The following KYAT3 variants were observed in gnomAD, a reference collection of about 807,000 sequenced individuals.
KYAT3 encodes the protein kynurenine aminotransferase 3.
In KYAT3, 50 loss-of-function variants were observed where a neutral mutation model predicts 59.0. The ratio of observed to expected loss-of-function variants is 0.85; its 90% CI spans 0.68 to 1.07. The LOEUF (loss-of-function observed/expected upper bound fraction) is 1.07, where lower values mean the gene tolerates loss of function less well. KYAT3 is among the 50% of genes least tolerant of loss of function. The probability of loss-of-function intolerance (pLI) is 0.00; values close to 1 mark genes in which losing one functional copy is unlikely to be tolerated. For missense variants in KYAT3, 497 were observed against 533.3 expected, an observed-to-expected ratio of 0.93 and a Z score of 0.67; for synonymous variants, 148 against 177.0, an observed-to-expected ratio of 0.84 and a Z score of 1.30.
At chr1:88,931,026 C>A (rs1192706350), downstream of KYAT3, among the ~76,000 whole-genome samples, 1 of 152,136 alleles carries the variant, frequency 6.6e-6, no homozygotes, top group Non-Finnish European at 1.5e-5. Flanking sequence ...GAATGGGGAA[C>A]CTCATGAGGA....
At chr1:88,974,992 G>A (rs35594043) in intron 2 of KYAT3, among the ~76,000 whole-genome samples, 43,301 of 152,060 alleles carry the variant, frequency 0.28, 7,514 homozygotes, top group Non-Finnish European at 0.38. Flanking sequence ...GTCCCCTTCC[G>A]TGGTGTGGAA....
chr1:88,939,117 T>A (rs956190379), intron 13 of KYAT3, among the ~76,000 whole-genome samples: 4 of 152,194 alleles, frequency 2.6e-5, no homozygotes, highest in African/African-American at 9.6e-5. Flanking sequence ...ATCTAAGAGA[T>A]AAAATTTCTT....
chr1:88,968,685 C>G lies in KYAT3; in HGVS notation c.288G>C (p.Gln96His). The G allele has an allele frequency of 6.3e-7, 1 of 1,582,696 alleles. No homozygotes were observed. Among genetic ancestry groups the G allele is most frequent in the Non-Finnish European group, 8.5e-7 (1 of 1,171,294 alleles). The change falls in exon 4 of 14, where the codon CAG becomes CAC. Residue 96 changes from glutamine to histidine, a missense_variant. By Grantham distance (24) the Gln-to-His change is conservative (BLOSUM62 0). Transcript: ENST00000260508. ...SKIAAIDSLN[Q>H]YTRGFGHPSL... ...ATATACTTACAAAGCCTCGTGTATA[C>G]TGATTCAGGCTATCGATTGCTGCAA...
intron 10 of KYAT3, among the ~76,000 whole-genome samples, chr1:88,952,392 C>T (rs183440685): frequency 6.6e-6 from 1 of 152,210 alleles, no homozygotes; most frequent in African/African-American, 2.4e-5. Flanking sequence ...GAGGTGGGGC[C>T]TGGTGGGAGG....
downstream of KYAT3, among the ~76,000 whole-genome samples, chr1:88,934,937 C>T (rs1325441215): frequency 6.6e-6 from 1 of 151,446 alleles, no homozygotes; most frequent in Non-Finnish European, 1.5e-5. Context: ...AGGTCATAGA[C>T]CATTTTTTTG....
At position 88,949,241 on chromosome 1, in the gene KYAT3, G is replaced by A. The variant is rs138792473; in HGVS notation, c.991C>T (p.Arg331Cys). ...LAQAFWIDIK[R>C]MDDPECYFNS... The stretch of plus-strand genomic sequence containing the variant: ...AAGTAACATTCTGGGTCATCCATGC[G>A]CTTGATGTCAATCCAGAAAGCTTGA... The change falls in exon 11 of 14, where the codon CGC (arginine) becomes TGC (cysteine). Residue 331 changes from arginine to cysteine, a missense_variant. By Grantham distance (180) the Arg-to-Cys change is radical. This residue lies in a region of KYAT3 where 469 missense variants were observed against 479.1 expected (regional missense o/e 0.98). Coordinates refer to ENST00000260508, the MANE Select transcript of KYAT3 (RefSeq NM_001008661.3). 311 of 1,580,080 alleles carry A rather than the reference G, an allele frequency of 2.0e-4. No individual in the cohort carries two copies. In the African/African-American group the frequency reaches 3.2e-3, roughly 16 times the overall value.
chr1:88,949,210 GAATT>G lies in KYAT3; in HGVS notation c.1018_1021del (p.Asn340LeufsTer6), dbSNP rs1675575205. On this transcript the variant is annotated frameshift_variant, in exon 11 of 14. Transcript: ENST00000260508. LOFTEE classifies it high-confidence loss of function. The stretch of plus-strand genomic sequence containing the variant: ...TTTTACTTCTAACTCTTTTGGCAAA[GAATT>G]AAAGTAACATTCTGGGTCATCCATG... 1 of 1,609,576 alleles carries G rather than the reference GAATT, an allele frequency of 6.2e-7. No homozygotes were observed. The highest frequency in any genetic ancestry group is 8.5e-7 in the Non-Finnish European group (1 of 1,178,432).
intron 2 of KYAT3, among the ~76,000 whole-genome samples, chr1:88,970,049 A>G (rs1183427065): frequency 6.6e-6 from 1 of 152,202 alleles, no homozygotes; most frequent in Non-Finnish European, 1.5e-5. Flanking sequence ...AATCTGTTTT[A>G]AGGCTTGTAA....
intron 5 of KYAT3, among the ~76,000 whole-genome samples, chr1:88,963,342 T>C (rs950738878): frequency 6.6e-6 from 1 of 152,158 alleles, no homozygotes; most frequent in Non-Finnish European, 1.5e-5. Flanking sequence ...AAACTATGTA[T>C]AGGATTAAAG....
the KYAT3 span, among the ~76,000 whole-genome samples, chr1:88,927,238 C>G: frequency 6.6e-6 from 1 of 152,048 alleles, no homozygotes; most frequent in Non-Finnish European, 1.5e-5. Context: ...CAAAAACGCC[C>G]CTAAGATGTA....
the KYAT3 span, chr1:88,923,450 AG>A: frequency 6.3e-6 from 1 of 157,618 alleles, no homozygotes; most frequent in South Asian, 1.9e-4. Context: ...ACCTGCCATA[AG>A]CCTGTATGTG....
intron 2 of KYAT3, chr1:88,979,729 G>A (rs1204635129): frequency 3.3e-5 from 5 of 152,208 alleles, no homozygotes; most frequent in African/African-American, 1.2e-4. Flanking sequence ...GAATATAAAA[G>A]GGTATAGCCC....
chr1:88,941,726 T>A (rs1204973543), intron 13 of KYAT3, among the ~76,000 whole-genome samples: 1 of 152,196 alleles, frequency 6.6e-6, no homozygotes, highest in African/African-American at 2.4e-5. Context: ...TATTTTTTTA[T>A]AAAGACAGGA....
At chr1:88,927,270 T>C in the KYAT3 span, among the ~76,000 whole-genome samples, 2 of 152,142 alleles carry the variant, frequency 1.3e-5, no homozygotes, top group African/African-American at 4.8e-5. Context: ...TGGGACCAAT[T>C]TGACCCTCAG....
At chr1:88,965,452 G>T (rs549446103) in intron 4 of KYAT3, among the ~76,000 whole-genome samples, 2 of 152,222 alleles carry the variant, frequency 1.3e-5, no homozygotes, top group African/African-American at 2.4e-5. Flanking sequence ...CCAACGACAC[G>T]AACACTAGTG....
chr1:88,961,358 A>G (rs375791260), intron 7 of KYAT3, 23 bp downstream of exon 7: 7 of 1,613,706 alleles, frequency 4.3e-6, no homozygotes, highest in East Asian at 2.2e-5. Flanking sequence ...AGAAGACTGT[A>G]TAAGGAGATG....
intron 1 of KYAT3, among the ~76,000 whole-genome samples, chr1:88,990,525 A>G (rs941430751): frequency 1.3e-5 from 2 of 152,188 alleles, no homozygotes; most frequent in African/African-American, 2.4e-5. Context: ...ACTGGCAGGC[A>G]AGCCCTTTTT....
chr1:88,942,973 T>C (rs1675295993), intron 13 of KYAT3, 32 bp downstream of exon 13: 2 of 1,369,826 alleles, frequency 1.5e-6, no homozygotes, highest in East Asian at 4.6e-5. Context: ...GAAGATACTA[T>C]ATATGTGTTT....
intron 10 of KYAT3, among the ~76,000 whole-genome samples, chr1:88,950,214 A>C (rs1241737981): frequency 6.6e-6 from 1 of 152,246 alleles, no homozygotes; most frequent in Non-Finnish European, 1.5e-5. Context: ...CAACTAAGAC[A>C]TTAAGGACCA....
Sources: gnomAD v4.1 joint callset for allele counts (sites outside exome capture counted in the v4.1 genomes callset) on GRCh38, gnomAD v4.1.1 for gene constraint, gnomAD v4.1.1 regional missense constraint, MANE v1.5 for transcripts, NCBI Gene and HGNC (gene_info 2026-07-23, HGNC 2026-07-21) for gene names.